Variants in CHKA observed in about 807,000 individuals in gnomAD.
CHKA encodes CHETK-alpha.
A neutral mutation model predicts 60.1 loss-of-function variants in CHKA; 34 were observed. The ratio of observed to expected loss-of-function variants is 0.57; its 90% CI spans 0.43 to 0.75. CHKA has a LOEUF of 0.75. CHKA is among the 30% of genes least tolerant of loss of function. The pLI, the probability that CHKA is intolerant of heterozygous loss-of-function variation, is 0.00. For synonymous variants in CHKA, 217 were observed against 223.1 expected, an observed-to-expected ratio of 0.97 and a Z score of 0.24; for missense variants, 563 against 561.3, an observed-to-expected ratio of 1.00 and a Z score of -0.03.
intron 3 of CHKA, among the ~76,000 whole-genome samples, chr11:68,075,142 G>A (rs539695949): frequency 1.3e-4 from 19 of 151,802 alleles, no homozygotes; most frequent in South Asian, 6.3e-4. Context: ...TATTTATTTC[G>A]CAACCTATAT....
intron 2 of CHKA, among the ~76,000 whole-genome samples, chr11:68,089,441 T>A (rs1236657258): frequency 6.6e-6 from 1 of 152,190 alleles, no homozygotes; most frequent in African/African-American, 2.4e-5. Flanking sequence ...TGTTTCTAAT[T>A]CTGACCAAAA....
chr11:68,059,155 A>T (rs1348970534), intron 11 of CHKA, among the ~76,000 whole-genome samples: 3 of 152,140 alleles, frequency 2.0e-5, no homozygotes, highest in Admixed American at 6.5e-5. Context: ...CTGGCCTCCC[A>T]AAGTGTTGGG....
intron 1 of CHKA, among the ~76,000 whole-genome samples, chr11:68,115,933 T>C (rs943750945): frequency 6.6e-6 from 1 of 152,156 alleles, no homozygotes; most frequent in Non-Finnish European, 1.5e-5. Flanking sequence ...AGTAGGGAGT[T>C]TGGGCACAAT....
chr11:68,094,596 A>C (rs1014284322), intron 2 of CHKA, among the ~76,000 whole-genome samples: 2 of 152,192 alleles, frequency 1.3e-5, no homozygotes, highest in African/African-American at 2.4e-5. Flanking sequence ...GATTTCAAAA[A>C]CTATACTTTG....
chr11:68,077,967 C>T (rs1490302822), intron 3 of CHKA, among the ~76,000 whole-genome samples: 2 of 152,096 alleles, frequency 1.3e-5, no homozygotes, highest in Non-Finnish European at 2.9e-5. Context: ...ATGAGATTGC[C>T]GGGTGGACTG....
At chr11:68,063,674 C>T (rs550387341) in intron 10 of CHKA, among the ~76,000 whole-genome samples, 2 of 152,188 alleles carry the variant, frequency 1.3e-5, no homozygotes, top group Admixed American at 6.5e-5. Context: ...TTGTAATCCC[C>T]ATGTGTGGAG....
intron 2 of CHKA, among the ~76,000 whole-genome samples, chr11:68,083,761 T>C (rs1476463295): frequency 6.6e-6 from 1 of 152,100 alleles, no homozygotes; most frequent in Non-Finnish European, 1.5e-5. Flanking sequence ...ACTTATACCA[T>C]AAGAGCACCA....
chr11:68,078,184 TACTC>T (rs757771993), intron 3 of CHKA, among the ~76,000 whole-genome samples: 39 of 152,158 alleles, frequency 2.6e-4, no homozygotes, highest in Non-Finnish European at 4.1e-4. Flanking sequence ...CCCACAGCAA[TACTC>T]ACTCTCACAA....
At chr11:68,097,497 G>A (rs924258295) in intron 1 of CHKA, among the ~76,000 whole-genome samples, 5 of 152,032 alleles carry the variant, frequency 3.3e-5, no homozygotes, top group Admixed American at 6.5e-5. Context: ...TTAGCCAGGC[G>A]TGGTGGCAGG....
chr11:68,109,364 C>T (rs1379265200), intron 1 of CHKA, among the ~76,000 whole-genome samples: 1 of 152,126 alleles, frequency 6.6e-6, no homozygotes, highest in Non-Finnish European at 1.5e-5. Context: ...GCTGGGATTA[C>T]AGGCGTGAGC....
In CHKA at chr11:68,113,081, C is replaced by CAAAA. The variant is rs71040587; in HGVS notation, c.350+7743_350+7746dup. ...TGGGCAACAGAGCAAGACTCCGTCT[C>CAAAA]AAAAAAAAAAAAAAAAAAAAAAAAA... On this transcript the variant is annotated intron_variant, in intron 1 of 11. Transcript: ENST00000265689. 9.7e-3 allele frequency among the ~76,000 whole-genome samples: 141 copies of CAAAA among 14,522 alleles called. 38 individuals carry two copies. The highest frequency in any genetic ancestry group is 0.017 in the African/African-American group (85 of 5,010). The allele number at this position is 14,522 out of a possible 152,430, so 9.5% of individuals were successfully genotyped here.
At position 68,121,165 on chromosome 11, in the gene CHKA, A is replaced by G; in HGVS notation, c.13T>C (p.Phe5Leu). The G allele has an allele frequency of 8.3e-7, 1 of 1,199,048 alleles. No individual in the cohort carries two copies. The highest frequency in any genetic ancestry group is 2.1e-5 in the South Asian group (1 of 48,000). 74.3% of individuals were successfully genotyped at this position (1,199,048 alleles called of 1,614,324 possible). The change falls in exon 1 of 12, where the codon TTC becomes CTC. Residue 5 changes from phenylalanine (F) to leucine (L), a missense_variant. Physicochemically the swap from Phe to Leu is conservative, Grantham distance 22 (BLOSUM62 0). Transcript: ENST00000265689. Reference protein sequence around the residue: MKTKFCTGGEAEPSP... With the variant: MKTKLCTGGEAEPSP... ...GGCTCCGCCTCGCCCCCGGTGCAGA[A>G]TTTGGTTTTCATGCCCGACAGGCGG...
chr11:68,104,487 C>T (rs1168165005), intron 1 of CHKA, among the ~76,000 whole-genome samples: 1 of 152,048 alleles, frequency 6.6e-6, no homozygotes, highest in Non-Finnish European at 1.5e-5. Flanking sequence ...ATGGTGCAAT[C>T]TCGGCTCACC....
At chr11:68,089,474 C>T (rs1301943742) in intron 2 of CHKA, among the ~76,000 whole-genome samples, 1 of 152,090 alleles carries the variant, frequency 6.6e-6, no homozygotes, top group African/African-American at 2.4e-5. Context: ...TATGGTGTCT[C>T]CTTAATGCTG....
chr11:68,083,967 G>T (rs919923286), intron 2 of CHKA, among the ~76,000 whole-genome samples: 1 of 151,034 alleles, frequency 6.6e-6, no homozygotes, highest in African/African-American at 2.4e-5. Flanking sequence ...TTTTGGGGCC[G>T]GCGGGGGTGG....
At chr11:68,086,902 C>T (rs1335485128) in intron 2 of CHKA, among the ~76,000 whole-genome samples, 3 of 152,126 alleles carry the variant, frequency 2.0e-5, no homozygotes, top group Non-Finnish European at 1.5e-5. Flanking sequence ...AGGAGAATGG[C>T]GTGAACCCGG....
chr11:68,059,957 C>G (rs1207919608), intron 11 of CHKA, among the ~76,000 whole-genome samples: 2 of 152,046 alleles, frequency 1.3e-5, no homozygotes, highest in Admixed American at 6.5e-5. Flanking sequence ...TTTGTTCTAA[C>G]CACAGAAGAG....
rs547672418 is a variant in CHKA at position 68,064,924 on chromosome 11, G to C, written c.1126-293C>G. Among the ~76,000 whole-genome samples, 9 of 152,272 alleles carry C rather than the reference G, an allele frequency of 5.9e-5. No homozygotes were observed. In the South Asian group the frequency reaches 1.9e-3, roughly 32 times the overall value. ...ACTGGAGACCACTATTTTGGAGGCAGGCTTGGTGCACCCTCCCAATCCTAC... is the reference window on the plus strand; with the variant it reads ...ACTGGAGACCACTATTTTGGAGGCACGCTTGGTGCACCCTCCCAATCCTAC... On this transcript the variant is annotated intron_variant, in intron 9 of 11. Transcript: ENST00000265689.
intron 1 of CHKA, among the ~76,000 whole-genome samples, chr11:68,114,815 A>C (rs896282905): frequency 6.6e-6 from 1 of 152,116 alleles, no homozygotes; most frequent in African/African-American, 2.4e-5. Flanking sequence ...TTCCAATTCT[A>C]TGACATTCTG....
Sources: allele counts gnomAD v4.1 joint callset (sites outside exome capture counted in the v4.1 genomes callset), GRCh38; gene constraint gnomAD v4.1.1; transcripts MANE v1.5; gene names NCBI Gene and HGNC (gene_info 2026-07-23, HGNC 2026-07-21).